The following FRK variants were observed in gnomAD, a reference collection of about 807,000 sequenced individuals.
The protein encoded by FRK is tyrosine-protein kinase FRK.
A neutral mutation model predicts 56.4 loss-of-function variants in FRK; 51 were observed. That is an observed-to-expected ratio of 0.90 (90% confidence interval 0.72 to 1.14). The LOEUF is 1.14. FRK is among the 50% of genes most tolerant of loss of function. The probability of loss-of-function intolerance (pLI) is 0.00; values close to 1 mark genes in which losing one functional copy is unlikely to be tolerated. For missense variants in FRK, 570 were observed against 601.4 expected, an observed-to-expected ratio of 0.95 and a Z score of 0.55; for synonymous variants, 245 against 217.9, an observed-to-expected ratio of 1.12 and a Z score of -1.10.
At chr6:116,095,382 T>C in the FRK span, among the ~76,000 whole-genome samples, 2 of 152,234 alleles carry the variant, frequency 1.3e-5, no homozygotes, top group East Asian at 3.8e-4. Context: ...GAAGGAGCCA[T>C]CTATATCAAT....
chr6:116,004,083 A>C (rs1775165467), intron 1 of FRK, 85 bp from the exon 2 acceptor site: 4 of 1,208,062 alleles, frequency 3.3e-6, no homozygotes, highest in Non-Finnish European at 4.7e-6. Context: ...TAGTATTCTA[A>C]TATCAAAAAT....
chr6:115,997,805 A>G (rs1774898142), intron 2 of FRK, among the ~76,000 whole-genome samples: 1 of 152,126 alleles, frequency 6.6e-6, no homozygotes. Flanking sequence ...CTCTTTCTGG[A>G]TTGCAAAGCA....
chr6:115,955,984 G>A (rs1772969808), intron 5 of FRK, among the ~76,000 whole-genome samples: 1 of 152,180 alleles, frequency 6.6e-6, no homozygotes, highest in African/African-American at 2.4e-5. Context: ...AGCAGTGGAA[G>A]TATTTTAAAC....
At chr6:115,968,472 A>G in intron 3 of FRK, 104 bp downstream of exon 3, 4 of 1,343,014 alleles carry the variant, frequency 3.0e-6, no homozygotes, top group Middle Eastern at 1.9e-4. Context: ...GAGGTAATAA[A>G]ATGACAATTT....
At chr6:116,015,094 T>C (rs561894832) in intron 1 of FRK, among the ~76,000 whole-genome samples, 1 of 152,346 alleles carries the variant, frequency 6.6e-6, no homozygotes, top group Non-Finnish European at 1.5e-5. Context: ...TTATTCATTT[T>C]TTATTCAAAA....
chr6:115,989,639 T>C (rs1232022343), intron 2 of FRK, among the ~76,000 whole-genome samples: 1 of 151,920 alleles, frequency 6.6e-6, no homozygotes, highest in Non-Finnish European at 1.5e-5. Flanking sequence ...TTTCTTAGTA[T>C]AGTATTCCAT....
At chr6:115,993,214 T>C (rs1297905010) in intron 2 of FRK, among the ~76,000 whole-genome samples, 2 of 151,864 alleles carry the variant, frequency 1.3e-5, no homozygotes, top group South Asian at 2.1e-4. Flanking sequence ...TGTTAACATT[T>C]AGTAATTTTA....
the FRK span, among the ~76,000 whole-genome samples, chr6:116,098,072 G>T: frequency 7.0e-6 from 1 of 143,626 alleles, no homozygotes; most frequent in African/African-American, 2.5e-5. Context: ...GGTTTCTGGT[G>T]AAGCCACTCT....
chr6:116,079,049 G>T, the FRK span, among the ~76,000 whole-genome samples: 1 of 151,842 alleles, frequency 6.6e-6, no homozygotes, highest in Non-Finnish European at 1.5e-5. Context: ...GGTTATTTGC[G>T]GTTTGGGGCC....
At chr6:115,951,724 T>C (rs1772761137) in intron 5 of FRK, among the ~76,000 whole-genome samples, 2 of 152,224 alleles carry the variant, frequency 1.3e-5, no homozygotes, top group South Asian at 4.1e-4. Context: ...GAAAAAGGTT[T>C]GCACTGACAG....
chr6:116,020,289 C>CT (rs1164797074), intron 1 of FRK, among the ~76,000 whole-genome samples: 2 of 151,406 alleles, frequency 1.3e-5, no homozygotes, highest in Non-Finnish European at 2.9e-5. Flanking sequence ...ATCAATATTC[C>CT]TTTTTTTTGT....
At chr6:116,052,389 T>C (rs941294746) in intron 1 of FRK, among the ~76,000 whole-genome samples, 3 of 152,150 alleles carry the variant, frequency 2.0e-5, no homozygotes, top group East Asian at 1.9e-4. Flanking sequence ...GGTGTCTCTG[T>C]GGGCTGCTCT....
chr6:116,060,162 C>T lies in FRK; in HGVS notation c.150G>A (p.Leu50=), dbSNP rs376161215. Residue 50 remains leucine, a synonymous_variant, in exon 1 of 8, where the codon TTG becomes TTA. Coordinates refer to ENST00000606080, the MANE Select transcript of FRK (RefSeq NM_002031.3). ...SQRHGHYFVA[L]FDYQARTAED... is the part of the protein sequence containing the mutation. ...CAGCAGTCCGAGCCTGGTAATCAAA[C>T]AAAGCCACAAAGTAGTGGCCATGCC... 6.3e-5 allele frequency: 102 copies of T among 1,614,050 alleles called. No homozygotes were observed. Among genetic ancestry groups the T allele is most frequent in the Non-Finnish European group, 8.3e-5 (98 of 1,180,044 alleles).
chr6:116,053,940 C>A (rs543553876), intron 1 of FRK, among the ~76,000 whole-genome samples: 1 of 151,980 alleles, frequency 6.6e-6, no homozygotes, highest in Non-Finnish European at 1.5e-5. Context: ...TTACTTGACA[C>A]AGGTATTAAT....
chr6:115,957,457 G>A (rs1027593031), intron 4 of FRK, among the ~76,000 whole-genome samples: 29 of 152,142 alleles, frequency 1.9e-4, no homozygotes, highest in African/African-American at 6.0e-4. Flanking sequence ...AGGCATTACT[G>A]TAATTAAAGG....
chr6:116,044,385 A>C (rs938113491), intron 1 of FRK, among the ~76,000 whole-genome samples: 2 of 152,362 alleles, frequency 1.3e-5, no homozygotes, highest in Middle Eastern at 3.4e-3. Flanking sequence ...GTTATCCACC[A>C]TAATCAAGTC....
intron 1 of FRK, among the ~76,000 whole-genome samples, chr6:116,031,817 A>G (rs1344716663): frequency 6.6e-6 from 1 of 152,150 alleles, no homozygotes; most frequent in Non-Finnish European, 1.5e-5. Context: ...TTTATCTATG[A>G]AATATGAAAC....
At chr6:116,041,874 G>A (rs971523876) in intron 1 of FRK, among the ~76,000 whole-genome samples, 4 of 152,184 alleles carry the variant, frequency 2.6e-5, no homozygotes, top group African/African-American at 9.7e-5. Context: ...CCCCAGTGGT[G>A]CCTGGATCAC....
chr6:116,099,052 G>A, the FRK span, among the ~76,000 whole-genome samples: 59 of 152,326 alleles, frequency 3.9e-4, 1 homozygote, highest in Admixed American at 3.6e-3. Context: ...TAATCAGCAA[G>A]TACATAAGAT....
Sources: allele counts gnomAD v4.1 joint callset (sites outside exome capture counted in the v4.1 genomes callset), GRCh38; gene constraint gnomAD v4.1.1; transcripts MANE v1.5; gene names NCBI Gene and HGNC (gene_info 2026-07-23, HGNC 2026-07-21).